The following SLC24A4 variants were observed in gnomAD, a reference collection of about 807,000 sequenced individuals.
SLC24A4 encodes sodium/potassium/calcium exchanger 4.
A neutral mutation model predicts 79.0 loss-of-function variants in SLC24A4; 53 were observed. The observed-to-expected ratio is 0.67, with a 90% CI of 0.54 to 0.84. The LOEUF is 0.84. Among genes scored for constraint, SLC24A4 ranks in the 40% least tolerant of loss-of-function variants. The probability of loss-of-function intolerance (pLI) is 0.00; values close to 1 mark genes in which losing one functional copy is unlikely to be tolerated. For synonymous variants in SLC24A4, 323 were observed against 323.8 expected (o/e 1.00, Z 0.03); for missense variants, 731 against 822.0 (o/e 0.89, Z 1.35).
chr14:92,404,640 CT>C (rs1430244614), intron 2 of SLC24A4, among the ~76,000 whole-genome samples: 1 of 152,204 alleles, frequency 6.6e-6, no homozygotes, highest in African/African-American at 2.4e-5. Flanking sequence ...CAAATAACAC[CT>C]CCTAGTGAGG....
At position 92,325,861 on chromosome 14, in the gene SLC24A4, A is replaced by G; in HGVS notation, c.131-7A>G. The stretch of plus-strand genomic sequence containing the variant: ...TAATGGTATCTGTGACTTATTTTCC[A>G]ATCCAGGGCACAAAACAGCTTCTGC... On this transcript the variant is annotated splice_region_variant and splice_polypyrimidine_tract_variant and intron_variant, in intron 1 of 16. Transcript: ENST00000532405. 6.3e-7 allele frequency: 1 copy of G among 1,590,520 alleles called. No homozygotes were observed. The highest frequency in any genetic ancestry group is 8.6e-7 in the Non-Finnish European group (1 of 1,163,002).
chr14:92,462,348 C>T (rs1045911139), intron 12 of SLC24A4: 25 of 152,144 alleles, frequency 1.6e-4, no homozygotes, highest in East Asian at 5.8e-4. Context: ...GGAGGTAAAA[C>T]GCACTAAGTA....
chr14:92,483,240 C>G (rs1446178752), intron 13 of SLC24A4, among the ~76,000 whole-genome samples: 1 of 152,156 alleles, frequency 6.6e-6, no homozygotes. Flanking sequence ...CACAAGGCAG[C>G]TTGTTCCTTG....
In SLC24A4 at chr14:92,495,770, G is replaced by C. The variant is rs1895901549; in HGVS notation, c.*2142G>C. ...CCAGTCCATCACCCCTCCCAGGCCA[G>C]CCTCTGTAAGTTGGCCACACTTGGG... is the stretch of plus-strand genomic sequence containing the variant. On this transcript the variant is annotated 3_prime_UTR_variant, in exon 17 of 17. Transcript: ENST00000532405. The C allele has an allele frequency of 1.3e-5, 2 of 152,240 alleles. No individual in the cohort carries two copies. Among genetic ancestry groups the C allele is most frequent in the South Asian group, 4.1e-4 (2 of 4,830 alleles). The allele number at this position is 152,240 out of a possible 1,614,324, so 9.4% of individuals were successfully genotyped here.
chr14:92,411,380 A>T (rs1457049271), intron 2 of SLC24A4, among the ~76,000 whole-genome samples: 4 of 151,924 alleles, frequency 2.6e-5, no homozygotes, highest in African/African-American at 9.7e-5. Flanking sequence ...TCCAGTGCTC[A>T]TTTTCTCTCT....
At chr14:92,372,997 CTTCT>C (rs371278187) in intron 2 of SLC24A4, among the ~76,000 whole-genome samples, 16 of 139,388 alleles carry the variant, frequency 1.1e-4, no homozygotes, top group South Asian at 2.4e-4. Flanking sequence ...CTCTCTCTCT[CTTCT>C]TTCTTTCTTT....
intron 2 of SLC24A4, among the ~76,000 whole-genome samples, chr14:92,332,282 AAAAAAAC>A (rs1287488452): frequency 1.3e-5 from 2 of 152,142 alleles, no homozygotes; most frequent in African/African-American, 2.4e-5. Context: ...ACTCCATCTC[AAAAAAAC>A]AAAAAACAAA....
chr14:92,325,596 A>G (rs539057517), intron 1 of SLC24A4, among the ~76,000 whole-genome samples: 3 of 152,164 alleles, frequency 2.0e-5, no homozygotes, highest in Non-Finnish European at 4.4e-5. Context: ...CGTTTGTTGC[A>G]CCTATGAGGT....
rs1215023031 is a variant in SLC24A4 at position 92,441,337 on chromosome 14, C to T, written c.394-752C>T. Among the ~76,000 whole-genome samples, 1 of 152,190 alleles carries T rather than the reference C, an allele frequency of 6.6e-6. No individual in the cohort carries two copies. The highest frequency in any genetic ancestry group is 2.4e-5 in the African/African-American group (1 of 41,446). On this transcript the variant is annotated intron_variant, in intron 4 of 16. Coordinates refer to ENST00000532405, the MANE Select transcript of SLC24A4 (RefSeq NM_153646.4). The surrounding 1 kb of genome is among the most constrained non-coding windows in gnomAD (Gnocchi z 4.6). The stretch of plus-strand genomic sequence containing the variant: ...GCTGCATTTCGGATCAGAGGATGGG[C>T]TCTGTGGCCAGACATGACCCGGACA...
intron 4 of SLC24A4, among the ~76,000 whole-genome samples, chr14:92,440,140 C>T (rs1412983556): frequency 6.6e-6 from 1 of 152,154 alleles, no homozygotes; most frequent in Non-Finnish European, 1.5e-5. Flanking sequence ...GTGACTTTCC[C>T]CCTGCTGGGC....
chr14:92,335,672 TG>T (rs1885747010), intron 2 of SLC24A4, among the ~76,000 whole-genome samples: 1 of 152,146 alleles, frequency 6.6e-6, no homozygotes, highest in Non-Finnish European at 1.5e-5. Context: ...CCTCATGCCA[TG>T]GGTTTTGATA....
chr14:92,433,296 C>T (rs528212296), intron 2 of SLC24A4, among the ~76,000 whole-genome samples: 34 of 152,358 alleles, frequency 2.2e-4, no homozygotes, highest in African/African-American at 7.9e-4. Context: ...TATTACTGAG[C>T]AGATGAGTTG....
At chr14:92,345,101 A>G (rs1886450170) in intron 2 of SLC24A4, among the ~76,000 whole-genome samples, 1 of 152,176 alleles carries the variant, frequency 6.6e-6, no homozygotes, top group African/African-American at 2.4e-5. Context: ...TTGTGCCCTA[A>G]TGCAAAATTC....
intron 2 of SLC24A4, among the ~76,000 whole-genome samples, chr14:92,374,684 G>A (rs1566723519): frequency 1.3e-5 from 2 of 152,122 alleles, no homozygotes; most frequent in Admixed American, 6.5e-5. Context: ...ATTGGAGATC[G>A]GAGTCTGAAT....
At chr14:92,343,646 T>TCCTTCCC (rs1285757191) in intron 2 of SLC24A4, among the ~76,000 whole-genome samples, 13 of 136,190 alleles carry the variant, frequency 9.5e-5, no homozygotes, top group South Asian at 4.8e-4. Flanking sequence ...CTTTCTCTCT[T>TCCTTCCC]TCCTTCTTTC....
rs768159886 is a variant in SLC24A4, at chr14:92,456,534, A to C, written c.1181A>C (p.Gln394Pro). The part of the protein sequence containing the change: ...PEDPQQNQEQ[Q>P]PPPQPPPPEP... ...GACCCTCAGCAGAATCAGGAGCAGC[A>C]GCCGCCGCCACAGCCACCACCGCCA... Residue 394 changes from glutamine to proline, a missense_variant, in exon 12 of 17, where the codon CAG (glutamine) becomes CCG (proline). Coordinates refer to ENST00000532405, the MANE Select transcript of SLC24A4 (RefSeq NM_153646.4). 1.9e-6 allele frequency: 3 copies of C among 1,613,482 alleles called. No individual in the cohort carries two copies. Among genetic ancestry groups the C allele is most frequent in the East Asian group, 4.5e-5 (2 of 44,872 alleles).
At chr14:92,332,163 T>G (rs1382469329) in intron 2 of SLC24A4, among the ~76,000 whole-genome samples, 1 of 152,040 alleles carries the variant, frequency 6.6e-6, no homozygotes, top group Non-Finnish European at 1.5e-5. Context: ...ACACCTGTAA[T>G]CCCAGCTACT....
chr14:92,476,199 A>T (rs924412965), intron 12 of SLC24A4, among the ~76,000 whole-genome samples: 3 of 152,204 alleles, frequency 2.0e-5, no homozygotes, highest in African/African-American at 7.2e-5. Flanking sequence ...CTTCCTCTAC[A>T]TACGGAGTTT....
chr14:92,466,769 A>G (rs1595334732), intron 12 of SLC24A4, among the ~76,000 whole-genome samples: 1 of 152,194 alleles, frequency 6.6e-6, no homozygotes, highest in Non-Finnish European at 1.5e-5. Flanking sequence ...TTCAGAGGGC[A>G]GGCAAGCTGT....
Sources: allele counts gnomAD v4.1 joint callset (sites outside exome capture counted in the v4.1 genomes callset), GRCh38; gene constraint gnomAD v4.1.1; non-coding constraint Gnocchi (gnomAD v3.1); transcripts MANE v1.5; gene names NCBI Gene and HGNC (gene_info 2026-07-23, HGNC 2026-07-21).